CAST: variants seen among roughly 807,000 people sequenced by gnomAD.
CAST encodes calpastatin, also known as MIR583 host.
In CAST, 76 loss-of-function variants were observed where a neutral mutation model predicts 119.6. The ratio of observed to expected loss-of-function variants is 0.64; its 90% CI spans 0.53 to 0.77. CAST has a LOEUF of 0.77. Ranked by LOEUF, CAST falls within the 30% of genes least tolerant of loss-of-function variation. The pLI is 0.00. For synonymous variants in CAST, 319 were observed against 331.6 expected (o/e 0.96, Z 0.41); for missense variants, 953 against 946.5 (o/e 1.01, Z -0.09).
the CAST span, among the ~76,000 whole-genome samples, chr5:96,055,659 G>T: frequency 6.6e-6 from 1 of 152,010 alleles, no homozygotes; most frequent in Admixed American, 6.6e-5. Context: ...TTTTCCTTTT[G>T]TGAATATAGA....
intron 2 of CAST, among the ~76,000 whole-genome samples, chr5:96,685,748 A>C (rs1382020250): frequency 3.3e-5 from 5 of 152,314 alleles, no homozygotes; most frequent in Non-Finnish European, 7.4e-5. Context: ...TGGTATGAGA[A>C]ATTCAGACTC....
chr5:96,283,137 A>AAAGAAAAAG, the CAST span, among the ~76,000 whole-genome samples: 2 of 132,984 alleles, frequency 1.5e-5, no homozygotes, highest in Non-Finnish European at 3.1e-5. Flanking sequence ...CTCAAAAAAA[A>AAAGAAAAAG]AAAAAAAAGA....
At chr5:96,102,678 A>C in the CAST span, among the ~76,000 whole-genome samples, 1 of 150,404 alleles carries the variant, frequency 6.6e-6, no homozygotes, top group African/African-American at 2.4e-5. Context: ...CCTCTTGCCT[A>C]ACCAGCATTG....
chr5:96,219,587 C>T, the CAST span, among the ~76,000 whole-genome samples: 6 of 152,148 alleles, frequency 3.9e-5, no homozygotes, highest in African/African-American at 1.4e-4. Flanking sequence ...AGAAGGATTG[C>T]TTGAGCCTAG....
chr5:96,346,707 A>G, the CAST span, among the ~76,000 whole-genome samples: 1 of 152,148 alleles, frequency 6.6e-6, no homozygotes, highest in Non-Finnish European at 1.5e-5. Context: ...AATCTCTATC[A>G]AAATAGCAAT....
intron 1 of CAST, among the ~76,000 whole-genome samples, chr5:96,580,417 G>A (rs374822697): frequency 2.3e-4 from 35 of 152,282 alleles, no homozygotes; most frequent in African/African-American, 7.7e-4. Flanking sequence ...AGAGAACTTC[G>A]TTACTATGAT....
At chr5:96,665,971 A>G (rs554983440) in intron 1 of CAST, among the ~76,000 whole-genome samples, 197 of 152,344 alleles carry the variant, frequency 1.3e-3, no homozygotes, top group Middle Eastern at 3.4e-3. Flanking sequence ...ATCTACAGAT[A>G]TAAACACAGA....
At chr5:96,152,369 C>T in the CAST span, among the ~76,000 whole-genome samples, 1 of 152,152 alleles carries the variant, frequency 6.6e-6, no homozygotes, top group Non-Finnish European at 1.5e-5. Context: ...AGACAGTGAC[C>T]TCAGTAAGGC....
At chr5:96,388,275 A>G in the CAST span, among the ~76,000 whole-genome samples, 1 of 152,232 alleles carries the variant, frequency 6.6e-6, no homozygotes, top group South Asian at 2.1e-4. Context: ...ACATATAGCA[A>G]CAACATACAG....
chr5:95,974,635 A>G, the CAST span, among the ~76,000 whole-genome samples: 1 of 152,206 alleles, frequency 6.6e-6, no homozygotes, highest in East Asian at 1.9e-4. Flanking sequence ...TAAGTGCTTG[A>G]GGGGATAGCT....
At chr5:96,052,898 C>T in the CAST span, among the ~76,000 whole-genome samples, 1 of 151,834 alleles carries the variant, frequency 6.6e-6, no homozygotes, top group East Asian at 1.9e-4. Flanking sequence ...TTTTGTGTGC[C>T]CTGTAGACAG....
At chr5:96,351,358 G>A in the CAST span, among the ~76,000 whole-genome samples, 1 of 152,074 alleles carries the variant, frequency 6.6e-6, no homozygotes, top group Non-Finnish European at 1.5e-5. Flanking sequence ...TTTTCAGGTG[G>A]AAGTTTAAGA....
the CAST span, among the ~76,000 whole-genome samples, chr5:95,975,365 C>T: frequency 6.6e-6 from 1 of 152,154 alleles, no homozygotes; most frequent in Non-Finnish European, 1.5e-5. Context: ...CCCTGGGCCC[C>T]AGCCCTCAGA....
chr5:95,992,427 A>T, the CAST span, among the ~76,000 whole-genome samples: 4 of 151,856 alleles, frequency 2.6e-5, no homozygotes, highest in African/African-American at 9.7e-5. Context: ...TTTCCTTGAA[A>T]ACCCATGGGC....
the CAST span, among the ~76,000 whole-genome samples, chr5:96,168,052 A>T: frequency 2.0e-5 from 3 of 152,198 alleles, no homozygotes; most frequent in African/African-American, 7.2e-5. Flanking sequence ...TGAAATGATG[A>T]CAGAATAGAA....
chr5:96,484,025 G>C, the CAST span, among the ~76,000 whole-genome samples: 1 of 152,110 alleles, frequency 6.6e-6, no homozygotes, highest in African/African-American at 2.4e-5. Flanking sequence ...TATCCTTAGT[G>C]CTGTGTCTAC....
chr5:96,314,272 G>C, the CAST span, among the ~76,000 whole-genome samples: 1 of 152,214 alleles, frequency 6.6e-6, no homozygotes, highest in Non-Finnish European at 1.5e-5. Flanking sequence ...AATTAAAGTT[G>C]TGGGAGCTAC....
the CAST span, among the ~76,000 whole-genome samples, chr5:96,444,237 G>A: frequency 6.6e-6 from 1 of 152,142 alleles, no homozygotes; most frequent in African/African-American, 2.4e-5. Flanking sequence ...ATCAAAAATA[G>A]GGGCATTGAG....
At chr5:96,061,344 G>A in the CAST span, among the ~76,000 whole-genome samples, 33 of 152,228 alleles carry the variant, frequency 2.2e-4, no homozygotes, top group South Asian at 6.6e-3. Context: ...CATACCACAA[G>A]TTAAATTCTA....
Sources: allele counts gnomAD v4.1 joint callset (sites outside exome capture counted in the v4.1 genomes callset), GRCh38; gene constraint gnomAD v4.1.1; transcripts MANE v1.5; gene names NCBI Gene and HGNC (gene_info 2026-07-23, HGNC 2026-07-21).